The following MYH3 variants were observed in gnomAD, a reference collection of about 807,000 sequenced individuals.
MYH3 encodes myosin heavy chain 3.
Under a neutral mutation model 238.0 loss-of-function variants are expected in MYH3, and 130 were observed. That is an observed-to-expected ratio of 0.55 (90% CI 0.47 to 0.63). MYH3 has a LOEUF of 0.63. Among genes scored for constraint, MYH3 ranks in the 30% least tolerant of loss-of-function variants. The pLI is 0.00. For synonymous variants in MYH3, 880 were observed against 924.1 expected, an observed-to-expected ratio of 0.95 and a Z score of 0.86; for missense variants, 1,853 against 2,374.9, an observed-to-expected ratio of 0.78 and a Z score of 4.57.
chr17:10,645,356 CA>C (rs959227894), intron 12 of MYH3, among the ~76,000 whole-genome samples: 10 of 151,964 alleles, frequency 6.6e-5, no homozygotes, highest in Non-Finnish European at 1.3e-4. Context: ...CACTTGAACC[CA>C]GGCAGCAGAG....
chr17:10,638,947 A>G lies in MYH3; in HGVS notation c.3265T>C (p.Cys1089Arg), dbSNP rs2074243370. ...ERLKKKDFEY[C>R]QLQSKVEDEQ... ...TCTTCCACTTTGCTTTGAAGTTGAC[A>G]ATATTCAAAATCTTTCCTGTGAAGA... The change falls in exon 26 of 41, where the codon TGT becomes CGT. Residue 1089 changes from cysteine (C) to arginine (R), a missense_variant. Around this residue, in one of 3 missense-constraint regions of MYH3, gnomAD observed 1,044 missense variants for 1,192.6 expected, o/e 0.88. Coordinates refer to ENST00000583535, the MANE Select transcript of MYH3 (RefSeq NM_002470.4). 6 of 1,614,128 alleles carry G rather than the reference A, an allele frequency of 3.7e-6. No homozygotes were observed. The highest frequency in any genetic ancestry group is 5.1e-6 in the Non-Finnish European group (6 of 1,179,984).
At chr17:10,645,647 A>G in intron 12 of MYH3, 60 bp downstream of exon 12, 1 of 1,602,094 alleles carries the variant, frequency 6.2e-7, no homozygotes. Flanking sequence ...CAAAAGCAGT[A>G]CCAAGTGACC....
chr17:10,651,744 ATTGTT>A, intron 4 of MYH3, 76 bp from the exon 5 acceptor site: 1 of 1,134,498 alleles, frequency 8.8e-7, no homozygotes, highest in South Asian at 1.5e-5. Flanking sequence ...TATTATTATT[ATTGTT>A]TTTTTTTTTT....
intron 28 of MYH3, among the ~76,000 whole-genome samples, chr17:10,637,537 AT>A (rs2074226946): frequency 6.6e-6 from 1 of 152,068 alleles, no homozygotes; most frequent in African/African-American, 2.4e-5. Flanking sequence ...GTTTATATTA[AT>A]TTTGAAAGAG....
chr17:10,649,797 C>T (rs2074357934), intron 6 of MYH3, 112 bp from the exon 7 acceptor site: 13 of 926,484 alleles, frequency 1.4e-5, no homozygotes, highest in Non-Finnish European at 1.9e-5. Flanking sequence ...CTGACACACA[C>T]TCACCACACT....
At chr17:10,653,607 G>A (rs2074399734) in intron 3 of MYH3, among the ~76,000 whole-genome samples, 1 of 152,154 alleles carries the variant, frequency 6.6e-6, no homozygotes, top group Non-Finnish European at 1.5e-5. Flanking sequence ...CGGGAAGCTG[G>A]AGGACCTCAG....
intron 8 of MYH3, 25 bp downstream of exon 8, chr17:10,648,532 C>T (rs771222938): frequency 1.3e-6 from 2 of 1,598,548 alleles, no homozygotes; most frequent in Non-Finnish European, 1.7e-6. Context: ...AAAGCAAATT[C>T]CATCTTAACC....
At chr17:10,644,746 G>A (rs779047228) in intron 12 of MYH3, 44 bp from the exon 13 acceptor site, 1 of 1,456,394 alleles carries the variant, frequency 6.9e-7, no homozygotes. Context: ...TAGAAGAGCT[G>A]CTTTGAAAAT....
chr17:10,633,319 A>C (rs1374499980), intron 33 of MYH3, among the ~76,000 whole-genome samples: 5 of 152,270 alleles, frequency 3.3e-5, no homozygotes, highest in Non-Finnish European at 7.3e-5. Flanking sequence ...TCTTAGGAGC[A>C]TAAAGCACTT....
chr17:10,643,783 A>G (rs1003412940), intron 14 of MYH3, among the ~76,000 whole-genome samples: 1 of 152,222 alleles, frequency 6.6e-6, no homozygotes, highest in African/African-American at 2.4e-5. Flanking sequence ...TAAATCAGTG[A>G]TTGCATTTAA....
rs1251042320 is a variant in MYH3, at chr17:10,642,723, G to C, written c.1582C>G (p.Pro528Ala). The change falls in exon 16 of 41, where the codon CCT becomes GCT. Residue 528 changes from proline (P) to alanine (A), a missense_variant and splice_region_variant. By Grantham distance (27) the Pro-to-Ala change is conservative. Coordinates refer to ENST00000583535, the MANE Select transcript of MYH3 (RefSeq NM_002470.4). This position sits in a 1 kb window ranked among gnomAD's most constrained non-coding sequence, Gnocchi z 5.4. ...LAACIELIEK[P>A]MGIFSILEEE... is the part of the protein sequence containing the mutation. ...TCCAGGATGGAGAAGATGCCCATAGGCTGGATTGAAGGCAAGGCAAAGTGC... is the reference window on the plus strand; with the variant it reads ...TCCAGGATGGAGAAGATGCCCATAGCCTGGATTGAAGGCAAGGCAAAGTGC... 4 of 1,614,094 alleles carry C rather than the reference G, an allele frequency of 2.5e-6. No homozygotes were observed. Among genetic ancestry groups the C allele is most frequent in the Middle Eastern group, 1.6e-4 (1 of 6,084 alleles).
At chr17:10,639,210 T>C (rs2074245951) in intron 24 of MYH3, 21 bp from the exon 25 acceptor site, 1 of 1,614,236 alleles carries the variant, frequency 6.2e-7, no homozygotes, top group Non-Finnish European at 8.5e-7. Context: ...CACCATTTCC[T>C]TTTGGGAACA....
chr17:10,670,479 T>G, the MYH3 span, among the ~76,000 whole-genome samples: 1 of 152,332 alleles, frequency 6.6e-6, no homozygotes, highest in African/African-American at 2.4e-5. This position sits in a 1 kb window ranked among gnomAD's most constrained non-coding sequence, Gnocchi z 7.0. Context: ...GTGTTTTGTT[T>G]GTTTGCTTGT....
intron 28 of MYH3, among the ~76,000 whole-genome samples, 194 bp downstream of exon 28, chr17:10,637,615 C>T (rs1467694784): frequency 6.6e-6 from 1 of 152,220 alleles, no homozygotes; most frequent in African/African-American, 2.4e-5. Context: ...CTTATTCTTA[C>T]TGAACTCTCA....
upstream of MYH3, among the ~76,000 whole-genome samples, chr17:10,660,853 T>G (rs1325429664): frequency 6.6e-6 from 1 of 151,270 alleles, no homozygotes; most frequent in Non-Finnish European, 1.5e-5. Flanking sequence ...AGTGTGGTGG[T>G]GGGTGCCTGT....
the MYH3 span, among the ~76,000 whole-genome samples, chr17:10,669,575 A>G: frequency 6.6e-6 from 1 of 151,142 alleles, no homozygotes; most frequent in Admixed American, 6.6e-5. Context: ...TCAAAAAAAA[A>G]AAAAAAAAAG....
Position 10,640,969 on chromosome 17 carries a change from T to G in MYH3, c.2165+116A>C, listed in dbSNP as rs886847135. 10 of 944,192 alleles carry G rather than the reference T, an allele frequency of 1.1e-5. No homozygotes were observed. In the African/African-American group the frequency reaches 1.4e-4, roughly 14 times the overall value. 58.5% of individuals were successfully genotyped at this position (944,192 alleles called of 1,614,324 possible). A position where few individuals can be genotyped will look rare whatever the true frequency, so the allele number is the denominator to read the frequency against. On this transcript the variant is annotated intron_variant, in intron 19 of 40. Coordinates refer to ENST00000583535, the MANE Select transcript of MYH3 (RefSeq NM_002470.4). The stretch of plus-strand genomic sequence containing the variant: ...CAAATGGTAGATTGTTCAGTTTACA[T>G]GGAGGTCCATATCTGTTCTTTCGAA...
At chr17:10,653,599 G>A (rs1263317458) in intron 3 of MYH3, among the ~76,000 whole-genome samples, 2 of 152,110 alleles carry the variant, frequency 1.3e-5, no homozygotes, top group African/African-American at 4.8e-5. Flanking sequence ...CACACCCTCG[G>A]GAAGCTGGAG....
At chr17:10,651,397 C>G in intron 5 of MYH3, 115 bp downstream of exon 5, 1 of 1,578,516 alleles carries the variant, frequency 6.3e-7, no homozygotes, top group Non-Finnish European at 8.7e-7. Flanking sequence ...CTCCTTCTTC[C>G]TCCTTTCCCT....
Sources: gnomAD v4.1 joint callset for allele counts (sites outside exome capture counted in the v4.1 genomes callset) on GRCh38, gnomAD v4.1.1 for gene constraint, gnomAD v4.1.1 regional missense constraint, Gnocchi (gnomAD v3.1) non-coding constraint, MANE v1.5 for transcripts, NCBI Gene and HGNC (gene_info 2026-07-23, HGNC 2026-07-21) for gene names.